SLC35D1: variants seen among roughly 807,000 people sequenced by gnomAD.
The protein encoded by SLC35D1 is solute carrier family 35 member D1, also known as nucleotide sugar transporter SLC35D1.
SLC35D1 carries 31 observed loss-of-function variants against 46.7 expected under a neutral mutation model. The observed-to-expected ratio is 0.66, with a 90% confidence interval of 0.50 to 0.90. SLC35D1 has a LOEUF of 0.90. Ranked by LOEUF, SLC35D1 falls within the 40% of genes least tolerant of loss-of-function variation. SLC35D1 has a pLI of 0.00. For synonymous variants in SLC35D1, 195 were observed against 164.6 expected (o/e 1.18, Z -1.41); for missense variants, 397 against 426.2 (o/e 0.93, Z 0.60).
chr1:66,976,050 T>A, the SLC35D1 span, among the ~76,000 whole-genome samples: 1 of 152,106 alleles, frequency 6.6e-6, no homozygotes, highest in African/African-American at 2.4e-5. Flanking sequence ...TGCAGTGGTG[T>A]GATCTCAGCT....
chr1:66,987,575 T>C, the SLC35D1 span: 1 of 152,650 alleles, frequency 6.6e-6, no homozygotes, highest in Non-Finnish European at 1.5e-5. Context: ...GTTAAATTTA[T>C]GCATAGTAAT....
chr1:67,027,756 C>T (rs941742876), intron 8 of SLC35D1, among the ~76,000 whole-genome samples: 1 of 152,090 alleles, frequency 6.6e-6, no homozygotes, highest in African/African-American at 2.4e-5. Flanking sequence ...GACACAAAAA[C>T]AACCAGGGTC....
intron 8 of SLC35D1, among the ~76,000 whole-genome samples, chr1:67,029,631 T>A (rs1667978984): frequency 6.6e-6 from 1 of 152,208 alleles, no homozygotes; most frequent in South Asian, 2.1e-4. Context: ...TGGCCCAGCA[T>A]CATTTTCTAC....
At chr1:66,993,266 C>T in the SLC35D1 span, among the ~76,000 whole-genome samples, 6 of 152,190 alleles carry the variant, frequency 3.9e-5, no homozygotes, top group African/African-American at 7.2e-5. Context: ...TTGGACTCTA[C>T]GCACTGGAAC....
At chr1:66,997,609 G>GT (rs1667256159), downstream of SLC35D1, among the ~76,000 whole-genome samples, 1 of 140,816 alleles carries the variant, frequency 7.1e-6, no homozygotes, top group Admixed American at 7.2e-5. Flanking sequence ...GTATAAAGAT[G>GT]TATCTGTATA....
the SLC35D1 span, among the ~76,000 whole-genome samples, chr1:66,976,291 C>G: frequency 6.6e-6 from 1 of 152,302 alleles, no homozygotes; most frequent in African/African-American, 2.4e-5. Context: ...CGTGAGCCAC[C>G]GTGCCCGGCC....
chr1:67,026,170 A>G (rs770400109), intron 8 of SLC35D1, among the ~76,000 whole-genome samples: 24 of 152,150 alleles, frequency 1.6e-4, no homozygotes, highest in Non-Finnish European at 3.2e-4. Context: ...GTCCTTTCTT[A>G]TGCTGAGAAA....
In SLC35D1 at chr1:67,042,314, A is replaced by G. The variant is rs1645197721; in HGVS notation, c.651T>C (p.Tyr217=). 6.2e-7 allele frequency: 1 copy of G among 1,614,046 alleles called. No homozygotes were observed. The highest frequency in any genetic ancestry group is 8.5e-7 in the Non-Finnish European group (1 of 1,180,008). The change falls in exon 8 of 12, where the codon TAT becomes TAC. Residue 217 remains tyrosine, a synonymous_variant. Coordinates refer to ENST00000235345, the MANE Select transcript of SLC35D1 (RefSeq NM_015139.3). ...ACAGTGCATTGTAATAGAGCAGTCC[A>G]TATTTTCCCAGCTCCTAGGACAGTA... is the stretch of plus-strand genomic sequence containing the variant. ...QKLDSKELGK[Y]GLLYYNALFM...
the SLC35D1 span, chr1:66,985,208 A>G: frequency 1.0e-6 from 1 of 974,832 alleles, no homozygotes; most frequent in South Asian, 4.6e-5. Context: ...TGAATGAACT[A>G]AAGATGTATC....
At chr1:66,990,152 T>A in the SLC35D1 span, among the ~76,000 whole-genome samples, 540 of 152,358 alleles carry the variant, frequency 3.5e-3, 3 homozygotes, top group African/African-American at 0.012. Context: ...TCCTGAATTA[T>A]AAGCTTTATG....
intron 8 of SLC35D1, among the ~76,000 whole-genome samples, chr1:67,030,232 T>C (rs1667990595): frequency 6.6e-6 from 1 of 152,210 alleles, no homozygotes; most frequent in African/African-American, 2.4e-5. Context: ...TTCTTCCAGT[T>C]GTGACAGGAG....
At chr1:67,024,866 C>T (rs1297954135) in intron 8 of SLC35D1, among the ~76,000 whole-genome samples, 1 of 152,176 alleles carries the variant, frequency 6.6e-6, no homozygotes, top group Non-Finnish European at 1.5e-5. Context: ...ACCTCAGCCT[C>T]CTGAACAGCT....
chr1:67,033,561 A>G (rs1474157380), intron 8 of SLC35D1, among the ~76,000 whole-genome samples: 2 of 152,126 alleles, frequency 1.3e-5, no homozygotes, highest in East Asian at 1.9e-4. Context: ...TCTTTTGCCA[A>G]TTATTTTAAT....
At chr1:67,018,258 G>A (rs1258019286) in intron 10 of SLC35D1, among the ~76,000 whole-genome samples, 1 of 152,118 alleles carries the variant, frequency 6.6e-6, no homozygotes, top group East Asian at 1.9e-4. Flanking sequence ...TAACAACAAG[G>A]CTAGCAGGCA....
downstream of SLC35D1, among the ~76,000 whole-genome samples, chr1:66,994,921 GA>G (rs61387414): frequency 0.31 from 29,499 of 96,704 alleles, 2,835 homozygotes; most frequent in Non-Finnish European, 0.33. Flanking sequence ...GGCAAAAAAA[GA>G]AAAAAAAAAA....
At chr1:67,027,300 GA>G (rs1405600319) in intron 8 of SLC35D1, among the ~76,000 whole-genome samples, 1 of 151,928 alleles carries the variant, frequency 6.6e-6, no homozygotes, top group African/African-American at 2.4e-5. Flanking sequence ...AATTGGCTAT[GA>G]ATTAGCAATT....
intron 11 of SLC35D1, among the ~76,000 whole-genome samples, chr1:67,006,023 C>T (rs12738583): frequency 2.0e-5 from 3 of 152,104 alleles, no homozygotes; most frequent in Non-Finnish European, 2.9e-5. Context: ...TCTTTCCCCC[C>T]CTTTCTGTGG....
the SLC35D1 span, among the ~76,000 whole-genome samples, chr1:66,973,667 A>G: frequency 6.6e-6 from 1 of 152,098 alleles, no homozygotes; most frequent in Non-Finnish European, 1.5e-5. Context: ...TAGTAACCAT[A>G]TAATTATATA....
chr1:67,052,301 A>G (rs1570648445), intron 3 of SLC35D1, among the ~76,000 whole-genome samples: 1 of 152,228 alleles, frequency 6.6e-6, no homozygotes, highest in Non-Finnish European at 1.5e-5. Flanking sequence ...GCAGGGAGAA[A>G]AGACAGAAAT....
Sources: allele counts gnomAD v4.1 joint callset (sites outside exome capture counted in the v4.1 genomes callset), GRCh38; gene constraint gnomAD v4.1.1; transcripts MANE v1.5; gene names NCBI Gene and HGNC (gene_info 2026-07-23, HGNC 2026-07-21).